Variants in TKTL1 observed in about 807,000 individuals in gnomAD.
TKTL1 encodes transketolase-like protein 1.
A neutral mutation model predicts 39.3 loss-of-function variants in TKTL1; 1 was observed. The observed-to-expected ratio is 0.03, with a 90% CI of 0.01 to 0.12. The LOEUF is 0.12. Ranked by LOEUF, TKTL1 falls within the 10% of genes least tolerant of loss-of-function variation. TKTL1 has a pLI of 1.00. For missense variants in TKTL1, 575 were observed against 509.6 expected, an observed-to-expected ratio of 1.13 and a Z score of -1.24; for synonymous variants, 262 against 193.8, an observed-to-expected ratio of 1.35 and a Z score of -2.92.
chrX:154,304,953 A>C (rs1219384478), intron 1 of TKTL1: 47 of 930,451 alleles, frequency 5.1e-5, no homozygotes, highest in Non-Finnish European at 6.5e-5. Flanking sequence ...TGGGATCTTC[A>C]TGGCATTTCT....
intron 12 of TKTL1, 110 bp downstream of exon 12, chrX:154,328,068 T>G: frequency 1.0e-6 from 1 of 1,004,255 alleles, no homozygotes; most frequent in Non-Finnish European, 1.4e-6. Context: ...TCACCCAGCA[T>G]GGCTTTGTTA....
intron 1 of TKTL1, 76 bp from the exon 2 acceptor site, chrX:154,305,228 G>C (rs1381889724): frequency 4.1e-5 from 49 of 1,185,375 alleles, no homozygotes; most frequent in Non-Finnish European, 5.5e-5. Context: ...GCTTCTATGA[G>C]GAGACCATGT....
chrX:154,303,588 C>T (rs1487700938), intron 1 of TKTL1, among the ~76,000 whole-genome samples: 2 of 104,329 alleles, frequency 1.9e-5, no homozygotes, highest in African/African-American at 3.5e-5. Context: ...CCTCCTCACA[C>T]CTCCTGCGTT....
intron 2 of TKTL1, 45 bp from the exon 3 acceptor site, chrX:154,309,300 T>C (rs1557167790): frequency 6.4e-6 from 7 of 1,086,373 alleles, no homozygotes; most frequent in Non-Finnish European, 7.7e-6. Flanking sequence ...CCTGATACCA[T>C]GTCCTGCAGC....
chrX:154,309,591 TC>T (rs1402957326), intron 3 of TKTL1, 149 bp downstream of exon 3: 2 of 492,833 alleles, frequency 4.1e-6, no homozygotes, highest in Admixed American at 7.1e-5. Flanking sequence ...TGGAAGGCCT[TC>T]CCTGTGCCTT....
chrX:154,311,098 CCT>C lies in TKTL1; in HGVS notation c.543-10_543-9del, dbSNP rs782727863. 8.3e-7 allele frequency: 1 copy of C among 1,211,448 alleles called. No homozygotes were observed. The highest frequency in any genetic ancestry group is 3.0e-5 in the East Asian group (1 of 33,823). On this transcript the variant is annotated splice_polypyrimidine_tract_variant and intron_variant, in intron 4 of 12. Transcript: ENST00000369915. ...TTCATCTCTTGTAACCCAGCCTGCT[CCT>C]CTGTTGGCAGGTGGAACACTTATGT...
chrX:154,319,125 A>AT (rs1477934714), intron 7 of TKTL1, among the ~76,000 whole-genome samples: 1 of 111,913 alleles, frequency 8.9e-6, no homozygotes, highest in African/African-American at 3.2e-5. Flanking sequence ...ATGTGCTATG[A>AT]AACCTTACTT....
At chrX:154,313,402 C>CT (rs1557168799) in intron 6 of TKTL1, among the ~76,000 whole-genome samples, 1 of 111,778 alleles carries the variant, frequency 8.9e-6, no homozygotes, top group African/African-American at 3.3e-5. Context: ...TTTTTAGCAC[C>CT]TTTACATCCT....
chrX:154,320,546 T>C lies in TKTL1; in HGVS notation c.1030-211T>C, dbSNP rs781979378. ...CAGGCAAGAGAGTCTCATCTCTTGC[T>C]CCCTAGGAGCTATGAGTTGAGGGCG... is the stretch of plus-strand genomic sequence containing the variant. On this transcript the variant is annotated intron_variant, in intron 7 of 12. Coordinates refer to ENST00000369915, the MANE Select transcript of TKTL1 (RefSeq NM_012253.4). 4 of 419,974 alleles carry C rather than the reference T, an allele frequency of 9.5e-6. No homozygotes were observed. The South Asian group carries it at 1.6e-4, about 17-fold the overall frequency. The allele number at this position is 419,974 out of a possible 1,213,427, so 34.6% of individuals were successfully genotyped here.
intron 8 of TKTL1, among the ~76,000 whole-genome samples, chrX:154,322,041 TC>T (rs1459070795): frequency 9.1e-6 from 1 of 109,682 alleles, no homozygotes; most frequent in Non-Finnish European, 1.9e-5. Context: ...ATGCCTGTAA[TC>T]CCAGCACTTG....
intron 8 of TKTL1, among the ~76,000 whole-genome samples, chrX:154,322,521 A>T (rs2067459770): frequency 9.0e-6 from 1 of 110,983 alleles, no homozygotes; most frequent in African/African-American, 3.3e-5. Context: ...ACAGAGCGAG[A>T]CTCTGTCTCA....
chrX:154,329,720 T>C lies in TKTL1; in HGVS notation c.*32T>C. Reference sequence around the variant, plus strand: ...TGTTAGCTTTGGTCTTTTGGCCTCTTTACCCTGTGTTTATGTTTGTTCCAA... The same window carrying C: ...TGTTAGCTTTGGTCTTTTGGCCTCTCTACCCTGTGTTTATGTTTGTTCCAA... On this transcript the variant is annotated 3_prime_UTR_variant, in exon 13 of 13. Coordinates refer to ENST00000369915, the MANE Select transcript of TKTL1 (RefSeq NM_012253.4). 5.1e-6 allele frequency: 6 copies of C among 1,186,411 alleles called. No individual in the cohort carries two copies. Among genetic ancestry groups the C allele is most frequent in the Non-Finnish European group, 6.9e-6 (6 of 875,357 alleles).
rs995493002 is a variant in TKTL1, at chrX:154,310,687, C to T, written c.351-149C>T. On this transcript the variant is annotated intron_variant, in intron 3 of 12. Coordinates refer to ENST00000369915, the MANE Select transcript of TKTL1 (RefSeq NM_012253.4). ...AAGCTCGGCTTTCTTAGCTGCTGGG[C>T]TGGGGCAGAGTTGATGAGGGAGATT... 3.7e-5 allele frequency: 18 copies of T among 482,971 alleles called. No homozygotes were observed. In the Admixed American group the frequency reaches 7.1e-4, roughly 19 times the overall value. 39.8% of individuals were successfully genotyped at this position (482,971 alleles called of 1,213,427 possible). A position where few individuals can be genotyped will look rare whatever the true frequency, so the allele number is the denominator to read the frequency against.
At chrX:154,329,019 G>A (rs1414377945) in intron 12 of TKTL1, among the ~76,000 whole-genome samples, 1 of 112,422 alleles carries the variant, frequency 8.9e-6, no homozygotes, top group East Asian at 2.8e-4. Flanking sequence ...TGTACTGGGG[G>A]CAGGTCCTGT....
chrX:154,325,477 C>T (rs2067487026), intron 10 of TKTL1, 55 bp downstream of exon 10: 5 of 1,002,417 alleles, frequency 5.0e-6, no homozygotes, highest in Non-Finnish European at 7.0e-6. Flanking sequence ...AAAAAGAACA[C>T]TTCTGAATCT....
intron 7 of TKTL1, among the ~76,000 whole-genome samples, chrX:154,315,788 C>A (rs181557381): frequency 8.9e-6 from 1 of 112,454 alleles, no homozygotes; most frequent in Admixed American, 9.4e-5. Context: ...GTTGCACTTA[C>A]TTCAATCACA....
rs2067445214 is a variant in TKTL1 at position 154,320,932 on chromosome X, A to G, written c.1186+19A>G. The G allele has an allele frequency of 1.7e-6, 2 of 1,204,434 alleles. No homozygotes were observed. Among genetic ancestry groups the G allele is most frequent in the Non-Finnish European group, 2.3e-6 (2 of 888,768 alleles). On this transcript the variant is annotated intron_variant, in intron 8 of 12. Coordinates refer to ENST00000369915, the MANE Select transcript of TKTL1 (RefSeq NM_012253.4). ...TCTGTTGGTAAGGGTTCTAAATGCC[A>G]TCATCTTGGTAGCCTTCCTCCTTCA...
At chrX:154,302,764 C>T (rs2067283517) in intron 1 of TKTL1, among the ~76,000 whole-genome samples, 1 of 111,590 alleles carries the variant, frequency 9.0e-6, no homozygotes, top group Non-Finnish European at 1.9e-5. Flanking sequence ...AGGGTGGACC[C>T]TAAATCCAGT....
intron 6 of TKTL1, 109 bp downstream of exon 6, chrX:154,312,882 G>A (rs782366099): frequency 1.6e-5 from 12 of 740,960 alleles, no homozygotes; most frequent in Admixed American, 3.8e-5. Flanking sequence ...CTCCATGGAC[G>A]AACCAATTAC....
Sources: gnomAD v4.1 joint callset for allele counts (sites outside exome capture counted in the v4.1 genomes callset) on GRCh38, gnomAD v4.1.1 for gene constraint, MANE v1.5 for transcripts, NCBI Gene and HGNC (gene_info 2026-07-23, HGNC 2026-07-21) for gene names.